The following LYSMD4 variants were observed in gnomAD, a reference collection of about 807,000 sequenced individuals.
The protein encoded by LYSMD4 is lysM and putative peptidoglycan-binding domain-containing protein 4.
A neutral mutation model predicts 6.1 loss-of-function variants in LYSMD4; 9 were observed. The observed-to-expected ratio is 1.47, with a 90% CI of 0.88 to 2.56. The LOEUF (loss-of-function observed/expected upper bound fraction) is 2.56, where lower values mean the gene tolerates loss of function less well. Among genes scored for constraint, LYSMD4 ranks in the 30% most tolerant of loss-of-function variants. LYSMD4 has a pLI of 0.00. For synonymous variants in LYSMD4, 143 were observed against 148.5 expected (o/e 0.96, Z 0.27); for missense variants, 384 against 373.5 (o/e 1.03, Z -0.23).
At chr15:99,725,462 A>T (rs954505841), downstream of LYSMD4, among the ~76,000 whole-genome samples, 1 of 152,138 alleles carries the variant, frequency 6.6e-6, no homozygotes, top group Non-Finnish European at 1.5e-5. Flanking sequence ...ATGGCCCCCT[A>T]GTCCCACTTT....
chr15:99,733,397 C>G lies in LYSMD4; in HGVS notation c.-61G>C, dbSNP rs2141151708. On this transcript the variant is annotated 5_prime_UTR_variant, in exon 1 of 3. Transcript: ENST00000684762. The stretch of plus-strand genomic sequence containing the variant: ...GCGACCGGCGACTCGCGACCCGCGA[C>G]CCGCGACCCGCAGCTGCCACCGCGC... 1 of 395,854 alleles carries G rather than the reference C, an allele frequency of 2.5e-6. No homozygotes were observed. The highest frequency in any genetic ancestry group is 3.6e-5 in the East Asian group (1 of 27,894). 24.5% of individuals were successfully genotyped at this position (395,854 alleles called of 1,614,324 possible). A position where few individuals can be genotyped will look rare whatever the true frequency, so the allele number is the denominator to read the frequency against.
At position 99,728,771 on chromosome 15, in the gene LYSMD4, G is replaced by A. The variant is rs2141118072; in HGVS notation, c.*352C>T. 3 of 268,724 alleles carry A rather than the reference G, an allele frequency of 1.1e-5. No individual in the cohort carries two copies. Among genetic ancestry groups the A allele is most frequent in the Non-Finnish European group, 2.2e-5 (3 of 137,066 alleles). 16.6% of individuals were successfully genotyped at this position (268,724 alleles called of 1,614,324 possible). A position where few individuals can be genotyped will look rare whatever the true frequency, so the allele number is the denominator to read the frequency against. On this transcript the variant is annotated 3_prime_UTR_variant, in exon 3 of 3. Coordinates refer to ENST00000684762, the MANE Select transcript of LYSMD4 (RefSeq NM_001284417.2). ...CCGCGCAGATGCCACTGGCTCTCAC[G>A]CTGCAGGTCCCTCGACAGAGGCCAT...
At chr15:99,732,126 G>C in intron 1 of LYSMD4, 119 bp from the exon 2 acceptor site, 1 of 1,065,848 alleles carries the variant, frequency 9.4e-7, no homozygotes, top group Admixed American at 2.9e-5. Flanking sequence ...CAAATACTCA[G>C]CATACATCAT....
At chr15:99,719,512 G>A (rs1951478937), upstream of LYSMD4, among the ~76,000 whole-genome samples, 1 of 152,108 alleles carries the variant, frequency 6.6e-6, no homozygotes, top group Non-Finnish European at 1.5e-5. Context: ...AAGCCTTCCT[G>A]TACTTGCACA....
upstream of LYSMD4, among the ~76,000 whole-genome samples, chr15:99,719,895 A>G (rs140765418): frequency 2.6e-3 from 396 of 152,268 alleles, 3 homozygotes; most frequent in African/African-American, 8.9e-3. Context: ...GTGTATCTCA[A>G]TGTTGTAATT....
chr15:99,729,267 A>C lies in LYSMD4; in HGVS notation c.747T>G (p.Pro249=). The change falls in exon 3 of 3, where the codon CCT becomes CCG. Residue 249 remains proline (P), a synonymous_variant. Coordinates refer to ENST00000684762, the MANE Select transcript of LYSMD4 (RefSeq NM_001284417.2). Reference sequence around the variant, plus strand: ...GGATGACAGTTGTGTTCAAGCTATTAGGGGTCTCACCACTAGCTTGTATTT... The same window carrying C: ...GGATGACAGTTGTGTTCAAGCTATTCGGGGTCTCACCACTAGCTTGTATTT... The part of the protein sequence containing the change: ...YFKIQASGET[P]NSLNTTVIPN... 1.2e-6 allele frequency: 2 copies of C among 1,614,220 alleles called. No individual in the cohort carries two copies. Among genetic ancestry groups the C allele is most frequent in the South Asian group, 2.2e-5 (2 of 91,088 alleles).
chr15:99,731,029 T>A (rs890103211), intron 2 of LYSMD4: 4 of 738,282 alleles, frequency 5.4e-6, no homozygotes, highest in South Asian at 1.9e-5. Context: ...GATAAGACAC[T>A]TGTAGGAGAA....
chr15:99,721,230 CA>C (rs1178623497), upstream of LYSMD4, among the ~76,000 whole-genome samples: 4 of 152,144 alleles, frequency 2.6e-5, no homozygotes, highest in African/African-American at 4.8e-5. Flanking sequence ...AGGAAGCGAC[CA>C]GAAGATCTGT....
At chr15:99,732,109 A>C in intron 1 of LYSMD4, 102 bp from the exon 2 acceptor site, 6 of 1,223,580 alleles carry the variant, frequency 4.9e-6, no homozygotes, top group Non-Finnish European at 6.7e-6. Context: ...CCTTTTCCTA[A>C]TCGCTGCAAA....
rs1322995887 is a variant in LYSMD4, at chr15:99,731,700, C to T, written c.282+18G>A. 6.4e-7 allele frequency: 1 copy of T among 1,568,006 alleles called. No homozygotes were observed. Among genetic ancestry groups the T allele is most frequent in the South Asian group, 1.2e-5 (1 of 84,426 alleles). On this transcript the variant is annotated intron_variant, in intron 2 of 2. Transcript: ENST00000684762. ...TCCTTGAAACGGAGCGGGGCAGGGC[C>T]CCTGAGGGGTGTCTTACTTTGCAGC... is the stretch of plus-strand genomic sequence containing the variant.
At chr15:99,719,444 C>G (rs979374196), upstream of LYSMD4, among the ~76,000 whole-genome samples, 1 of 152,156 alleles carries the variant, frequency 6.6e-6, no homozygotes, top group Non-Finnish European at 1.5e-5. Context: ...TAGCCTCTTC[C>G]TATCCCCGCC....
downstream of LYSMD4, among the ~76,000 whole-genome samples, chr15:99,725,365 C>T (rs549802153): frequency 1.8e-3 from 277 of 152,366 alleles, 3 homozygotes; most frequent in African/African-American, 6.3e-3. Context: ...TTGACCTCCA[C>T]ATTCTCACCA....
upstream of LYSMD4, among the ~76,000 whole-genome samples, chr15:99,719,287 G>C (rs770335757): frequency 3.9e-5 from 6 of 152,102 alleles, no homozygotes; most frequent in South Asian, 6.2e-4. Context: ...TCATCTGTTC[G>C]TGTTTTATTT....
downstream of LYSMD4, among the ~76,000 whole-genome samples, chr15:99,724,503 A>G (rs1445482834): frequency 2.6e-5 from 4 of 152,100 alleles, no homozygotes; most frequent in Admixed American, 2.6e-4. Context: ...GGGCTCAAGC[A>G]ATCTGCCCAC....
chr15:99,732,393 A>G (rs1017307203), intron 1 of LYSMD4, among the ~76,000 whole-genome samples: 3 of 152,262 alleles, frequency 2.0e-5, no homozygotes, highest in African/African-American at 7.2e-5. Flanking sequence ...TCTTCAACTC[A>G]GAAGCTTTGC....
In LYSMD4 at chr15:99,729,346, A is replaced by G. The variant is rs755881721; in HGVS notation, c.668T>C (p.Phe223Ser). ...DCGIQWWNAV[F>S]IMLLIGIVLP... is the part of the protein sequence containing the mutation. ...GACAATACCAATCAGCAGCATGATG[A>G]AAACAGCATTCCACCACTGAATGCC... Residue 223 changes from phenylalanine (F) to serine (S), a missense_variant, in exon 3 of 3, where the codon TTC becomes TCC. Physicochemically the swap from Phe to Ser is radical, Grantham distance 155. Coordinates refer to ENST00000684762, the MANE Select transcript of LYSMD4 (RefSeq NM_001284417.2). 1 of 1,614,154 alleles carries G rather than the reference A, an allele frequency of 6.2e-7. No individual in the cohort carries two copies. The highest frequency in any genetic ancestry group is 1.3e-5 in the African/African-American group (1 of 74,948).
downstream of LYSMD4, among the ~76,000 whole-genome samples, chr15:99,724,441 T>C (rs1233832182): frequency 2.6e-5 from 4 of 152,184 alleles, no homozygotes; most frequent in Non-Finnish European, 5.9e-5. Context: ...TTGTAATTTT[T>C]CATTACAGAT....
In LYSMD4 at chr15:99,733,377, C is replaced by CGGCGACT. The variant is rs2059473527; in HGVS notation, c.-48_-42dup. On this transcript the variant is annotated 5_prime_UTR_variant, in exon 1 of 3. Coordinates refer to ENST00000684762, the MANE Select transcript of LYSMD4 (RefSeq NM_001284417.2). ...CCCAGGCTCCGCCGCGACCGGCGAC[C>CGGCGACT]GGCGACTCGCGACCCGCGACCCGCG... 5.1e-6 allele frequency: 2 copies of CGGCGACT among 395,258 alleles called. No individual in the cohort carries two copies. The highest frequency in any genetic ancestry group is 1.3e-4 in the South Asian group (1 of 7,844). The allele number at this position is 395,258 out of a possible 1,614,324, so 24.5% of individuals were successfully genotyped here. A position where few individuals can be genotyped will look rare whatever the true frequency, so the allele number is the denominator to read the frequency against.
chr15:99,718,685 C>T (rs79018240), upstream of LYSMD4, among the ~76,000 whole-genome samples: 1,855 of 152,322 alleles, frequency 0.012, 49 homozygotes, highest in African/African-American at 0.042. Context: ...CATGTGAAAT[C>T]TGAGTCTGTC....
Sources: gnomAD v4.1 joint callset for allele counts (sites outside exome capture counted in the v4.1 genomes callset) on GRCh38, gnomAD v4.1.1 for gene constraint, MANE v1.5 for transcripts, NCBI Gene and HGNC (gene_info 2026-07-23, HGNC 2026-07-21) for gene names.